NRXN1: variants seen among roughly 807,000 people sequenced by gnomAD.
The protein encoded by NRXN1 is neurexin-1.
NRXN1 carries 39 observed loss-of-function variants against 150.9 expected under a neutral mutation model. The ratio of observed to expected loss-of-function variants is 0.26; its 90% confidence interval spans 0.20 to 0.34. The LOEUF (loss-of-function observed/expected upper bound fraction) is 0.34, where lower values mean the gene tolerates loss of function less well. NRXN1 is among the 10% of genes least tolerant of loss of function. NRXN1 has a pLI of 1.00. For synonymous variants in NRXN1, 924 were observed against 757.0 expected (o/e 1.22, Z -3.62); for missense variants, 1,815 against 1,949.9 (o/e 0.93, Z 1.30).
intron 17 of NRXN1, among the ~76,000 whole-genome samples, chr2:50,271,326 C>T (rs1175994278): frequency 6.6e-6 from 1 of 152,082 alleles, no homozygotes; most frequent in Non-Finnish European, 1.5e-5. Context: ...TTTCTGTCTA[C>T]AGAGGAGTAT....
chr2:50,193,562 G>A (rs1009913629), intron 18 of NRXN1, among the ~76,000 whole-genome samples: 3 of 152,066 alleles, frequency 2.0e-5, no homozygotes, highest in African/African-American at 7.2e-5. Flanking sequence ...TCTCTCTCCT[G>A]TCACTACTGG....
At chr2:50,582,953 A>G (rs1022014179) in intron 8 of NRXN1, among the ~76,000 whole-genome samples, 2 of 151,678 alleles carry the variant, frequency 1.3e-5, no homozygotes, top group Admixed American at 1.3e-4. Context: ...AGGAACCCAC[A>G]CTTTGTATAT....
chr2:50,757,334 A>G (rs1338404358), intron 5 of NRXN1, among the ~76,000 whole-genome samples: 2 of 151,920 alleles, frequency 1.3e-5, no homozygotes, highest in East Asian at 2.0e-4. Context: ...GTAGGAAACA[A>G]AGAGTGCAGG....
rs183217800 is a variant in NRXN1, at chr2:50,489,560, T to G, written c.3070+6345A>C. Among the ~76,000 whole-genome samples, 704 of 143,488 alleles carry G rather than the reference T, an allele frequency of 4.9e-3. 4 individuals carry two copies. Among genetic ancestry groups the G allele is most frequent in the Non-Finnish European group, 6.8e-3 (462 of 67,946 alleles). The allele number at this position is 143,488 out of a possible 152,430, so 94.1% of individuals were successfully genotyped here. On this transcript the variant is annotated intron_variant, in intron 15 of 22. Coordinates refer to ENST00000401669, the MANE Select transcript of NRXN1 (RefSeq NM_001330078.2). ...GCAGGTCAACCTCCCCTGAGCAGAT[T>G]TCTCTCATCTGTAAAAGGAATTGGT...
At chr2:50,940,559 T>G (rs760132774) in intron 2 of NRXN1, among the ~76,000 whole-genome samples, 31 of 152,022 alleles carry the variant, frequency 2.0e-4, no homozygotes, top group Admixed American at 1.6e-3. Context: ...GGTCACAAGT[T>G]TGAATACAAC....
chr2:50,625,636 CAACTATATATTACTATTAT>C (rs1467558451), intron 5 of NRXN1, among the ~76,000 whole-genome samples: 1 of 152,048 alleles, frequency 6.6e-6, no homozygotes, highest in Non-Finnish European at 1.5e-5. Context: ...GGCACAAGTA[CAACTATATATTACTATTAT>C]ACTGAGAGGA....
intron 17 of NRXN1, among the ~76,000 whole-genome samples, chr2:50,311,489 T>C (rs191794879): frequency 3.3e-5 from 5 of 152,254 alleles, no homozygotes; most frequent in Admixed American, 3.3e-4. Context: ...AACCATGCAC[T>C]GATAATCCGA....
At chr2:50,764,417 C>T (rs1459965172) in intron 5 of NRXN1, among the ~76,000 whole-genome samples, 1 of 151,962 alleles carries the variant, frequency 6.6e-6, no homozygotes, top group Non-Finnish European at 1.5e-5. Context: ...TTGTTAGAGG[C>T]CAGTCATCCC....
chr2:50,982,347 T>G (rs1159188940), intron 2 of NRXN1, among the ~76,000 whole-genome samples: 1 of 152,162 alleles, frequency 6.6e-6, no homozygotes, highest in East Asian at 1.9e-4. Context: ...AGGACTCTCT[T>G]AAAGAATCAA....
intron 5 of NRXN1, among the ~76,000 whole-genome samples, chr2:50,698,375 T>C (rs1169942890): frequency 6.6e-6 from 1 of 152,226 alleles, no homozygotes; most frequent in Non-Finnish European, 1.5e-5. Flanking sequence ...CAGAAGTAGT[T>C]GTGAGAATCT....
chr2:50,737,247 T>A (rs1158402641), intron 5 of NRXN1, among the ~76,000 whole-genome samples: 1 of 152,180 alleles, frequency 6.6e-6, no homozygotes, highest in Non-Finnish European at 1.5e-5. Flanking sequence ...TGCTAATTTC[T>A]GAACCAGTGA....
chr2:50,338,284 G>C (rs939456038), intron 17 of NRXN1, among the ~76,000 whole-genome samples: 3 of 152,116 alleles, frequency 2.0e-5, no homozygotes, highest in African/African-American at 7.2e-5. Context: ...ATTGAGGAAA[G>C]TTTCTCTGCT....
At chr2:50,746,290 G>T (rs1161095524) in intron 5 of NRXN1, among the ~76,000 whole-genome samples, 1 of 152,066 alleles carries the variant, frequency 6.6e-6, no homozygotes, top group Admixed American at 6.6e-5. Context: ...GGGCACAGGG[G>T]CTCATGCCTG....
At chr2:50,885,328 A>T in intron 5 of NRXN1, among the ~76,000 whole-genome samples, 1 of 151,406 alleles carries the variant, frequency 6.6e-6, no homozygotes, top group East Asian at 1.9e-4. Context: ...AAAATGAAAT[A>T]CGTTTAAATT....
In NRXN1 at chr2:50,786,305, C is replaced by CA. The variant is rs1705104492; in HGVS notation, c.832+135563dup. Among the ~76,000 whole-genome samples, 3 of 151,824 alleles carry CA rather than the reference C, an allele frequency of 2.0e-5. No individual in the cohort carries two copies. In the Admixed American group the frequency reaches 2.0e-4, roughly 10 times the overall value. ...AGAGGGGCTCTTTTTAAAAAGGCACCAAAAAATCTGTTTTTATTCCTCTTT... is the reference window on the plus strand; with the variant it reads ...AGAGGGGCTCTTTTTAAAAAGGCACCAAAAAAATCTGTTTTTATTCCTCTTT... On this transcript the variant is annotated intron_variant, in intron 5 of 22. Coordinates refer to ENST00000401669, the MANE Select transcript of NRXN1 (RefSeq NM_001330078.2).
At chr2:50,689,210 A>G (rs1272841423) in intron 5 of NRXN1, among the ~76,000 whole-genome samples, 1 of 152,178 alleles carries the variant, frequency 6.6e-6, no homozygotes, top group Non-Finnish European at 1.5e-5. Flanking sequence ...AGACACAAGA[A>G]AACTGTACAG....
At chr2:50,448,155 T>G (rs1012084539) in intron 17 of NRXN1, among the ~76,000 whole-genome samples, 1 of 152,096 alleles carries the variant, frequency 6.6e-6, no homozygotes, top group South Asian at 2.1e-4. Flanking sequence ...TTTTATAGAT[T>G]AGCAAAGCAG....
intron 17 of NRXN1, among the ~76,000 whole-genome samples, chr2:50,381,324 T>C (rs1558634679): frequency 6.6e-6 from 1 of 152,020 alleles, no homozygotes; most frequent in Non-Finnish European, 1.5e-5. Context: ...GGTGGTTTCA[T>C]CTTATATTGT....
chr2:50,024,761 C>T (rs1254320697), intron 21 of NRXN1, among the ~76,000 whole-genome samples: 1 of 151,998 alleles, frequency 6.6e-6, no homozygotes, highest in Non-Finnish European at 1.5e-5. Flanking sequence ...ATTACAGGTG[C>T]ACACCACCAC....
Sources: gnomAD v4.1 joint callset for allele counts (sites outside exome capture counted in the v4.1 genomes callset) on GRCh38, gnomAD v4.1.1 for gene constraint, MANE v1.5 for transcripts, NCBI Gene and HGNC (gene_info 2026-07-23, HGNC 2026-07-21) for gene names.